The following SLIT2 variants were observed in gnomAD, a reference collection of about 807,000 sequenced individuals.
SLIT2 encodes slit guidance ligand 2.
SLIT2 carries 41 observed loss-of-function variants against 185.7 expected under a neutral mutation model. The ratio of observed to expected loss-of-function variants is 0.22; its 90% CI spans 0.17 to 0.29. The LOEUF is 0.29. Ranked by LOEUF, SLIT2 falls within the 10% of genes least tolerant of loss-of-function variation. The pLI, the probability that SLIT2 is intolerant of heterozygous loss-of-function variation, is 1.00. For synonymous variants in SLIT2, 693 were observed against 680.2 expected, an observed-to-expected ratio of 1.02 and a Z score of -0.29; for missense variants, 1,571 against 1,909.0, an observed-to-expected ratio of 0.82 and a Z score of 3.30.
chr4:20,286,534 A>C (rs377065549), intron 4 of SLIT2, among the ~76,000 whole-genome samples: 49 of 152,000 alleles, frequency 3.2e-4, no homozygotes, highest in African/African-American at 1.0e-3. Context: ...AGGTGCAGTG[A>C]CTCATGCCCG....
chr4:20,373,701 C>A (rs1290339986), intron 4 of SLIT2, among the ~76,000 whole-genome samples: 1 of 152,004 alleles, frequency 6.6e-6, no homozygotes, highest in Non-Finnish European at 1.5e-5. Context: ...CTAGGGACCA[C>A]AAATATATAA....
intron 9 of SLIT2, among the ~76,000 whole-genome samples, chr4:20,502,012 C>T (rs186131927): frequency 1.8e-4 from 27 of 152,118 alleles, no homozygotes; most frequent in Admixed American, 1.3e-3. Context: ...CCTAATTTCC[C>T]AAGAAGTTAT....
At chr4:20,330,754 A>G (rs1719995129) in intron 4 of SLIT2, among the ~76,000 whole-genome samples, 1 of 152,008 alleles carries the variant, frequency 6.6e-6, no homozygotes, top group Non-Finnish European at 1.5e-5. Flanking sequence ...GAACATGGAT[A>G]GTATTAATTC....
chr4:20,614,485 A>G (rs971852399), intron 34 of SLIT2, among the ~76,000 whole-genome samples: 1 of 152,112 alleles, frequency 6.6e-6, no homozygotes, highest in African/African-American at 2.4e-5. Flanking sequence ...CTTAAAAAAA[A>G]TCATGGATCT....
intron 6 of SLIT2, among the ~76,000 whole-genome samples, chr4:20,485,975 G>T (rs1717197658): frequency 6.6e-6 from 1 of 152,096 alleles, no homozygotes; most frequent in African/African-American, 2.4e-5. Context: ...TATGAATGAA[G>T]CCATAAATTT....
At chr4:20,308,632 TG>T (rs1717795118) in intron 4 of SLIT2, among the ~76,000 whole-genome samples, 2 of 152,046 alleles carry the variant, frequency 1.3e-5, no homozygotes, top group Admixed American at 1.3e-4. Context: ...AGACTCTTGG[TG>T]GGATTAGAGA....
At chr4:20,317,514 C>G (rs370016155) in intron 4 of SLIT2, among the ~76,000 whole-genome samples, 2 of 152,154 alleles carry the variant, frequency 1.3e-5, no homozygotes, top group African/African-American at 2.4e-5. Context: ...CAGTTTCAGT[C>G]AGACCTGAGT....
At chr4:20,397,794 C>A (rs1207662662) in intron 4 of SLIT2, among the ~76,000 whole-genome samples, 1 of 151,758 alleles carries the variant, frequency 6.6e-6, no homozygotes, top group Non-Finnish European at 1.5e-5. Flanking sequence ...CACTGTCCTC[C>A]CACACACGGC....
Position 20,605,708 on chromosome 4 carries a change from T to A in SLIT2, c.3693-4305T>A, listed in dbSNP as rs535819817. Among the ~76,000 whole-genome samples, 969 of 124,318 alleles carry A rather than the reference T, an allele frequency of 7.8e-3. 11 individuals are homozygous for A. The highest frequency in any genetic ancestry group is 0.021 in the Middle Eastern group (5 of 236). 81.6% of individuals were successfully genotyped at this position (124,318 alleles called of 152,430 possible). A position where few individuals can be genotyped will look rare whatever the true frequency, so the allele number is the denominator to read the frequency against. On this transcript the variant is annotated intron_variant, in intron 33 of 36. Coordinates refer to ENST00000504154, the MANE Select transcript of SLIT2 (RefSeq NM_004787.4). ...GTGTCGATCACTGCTTTTATTTTAT[T>A]TTATATTTTATTTTATTTTATTTTA...
intron 16 of SLIT2, among the ~76,000 whole-genome samples, 184 bp from the exon 17 acceptor site, chr4:20,531,800 T>C (rs1439344487): frequency 6.6e-6 from 1 of 151,834 alleles, no homozygotes; most frequent in Non-Finnish European, 1.5e-5. Context: ...TTTATTTTGA[T>C]GATTAAAATT....
intron 9 of SLIT2, among the ~76,000 whole-genome samples, chr4:20,495,651 G>A (rs1477230796): frequency 6.6e-6 from 1 of 151,998 alleles, no homozygotes; most frequent in Non-Finnish European, 1.5e-5. Flanking sequence ...TTGAGAAGGT[G>A]GTGTATCAGG....
At chr4:20,618,119 C>A (rs1298678934) in intron 36 of SLIT2, among the ~76,000 whole-genome samples, 1 of 152,182 alleles carries the variant, frequency 6.6e-6, no homozygotes, top group Non-Finnish European at 1.5e-5. Context: ...TGATTTATCA[C>A]AGCAAATCAT....
intron 26 of SLIT2, among the ~76,000 whole-genome samples, chr4:20,566,445 T>G (rs1460977496): frequency 6.6e-6 from 1 of 152,080 alleles, no homozygotes; most frequent in African/African-American, 2.4e-5. Context: ...ATTTCCACAT[T>G]GTTAGTCATT....
rs1483452256 is a variant in SLIT2 at position 20,254,894 on chromosome 4, C to T, written c.179+900C>T. 5 of 456,072 alleles carry T rather than the reference C, an allele frequency of 1.1e-5. No homozygotes were observed. The highest frequency in any genetic ancestry group is 7.0e-5 in the Admixed American group (3 of 42,562). The allele number at this position is 456,072 out of a possible 1,614,324, so 28.3% of individuals were successfully genotyped here. A position where few individuals can be genotyped will look rare whatever the true frequency, so the allele number is the denominator to read the frequency against. Reference sequence around the variant, plus strand: ...GCCTTCCCCTCTTCGCGCTCCGTTGCTCGCAGACGTCCCCGCCTCCCTGTC... The same window carrying T: ...GCCTTCCCCTCTTCGCGCTCCGTTGTTCGCAGACGTCCCCGCCTCCCTGTC... On this transcript the variant is annotated intron_variant, in intron 1 of 36. Transcript: ENST00000504154. This position sits in a 1 kb window ranked among gnomAD's most constrained non-coding sequence, Gnocchi z 5.1.
chr4:20,430,424 CT>C (rs1728884696), intron 4 of SLIT2, among the ~76,000 whole-genome samples: 1 of 152,150 alleles, frequency 6.6e-6, no homozygotes, highest in African/African-American at 2.4e-5. Context: ...CATGTGGCCT[CT>C]CAGGCAGATG....
At chr4:20,344,517 T>C (rs1383873061) in intron 4 of SLIT2, among the ~76,000 whole-genome samples, 1 of 152,206 alleles carries the variant, frequency 6.6e-6, no homozygotes. Flanking sequence ...CATATAAGGC[T>C]TTAAATGAAA....
At chr4:20,482,887 ATAACT>A (rs1429882940) in intron 6 of SLIT2, among the ~76,000 whole-genome samples, 3 of 151,938 alleles carry the variant, frequency 2.0e-5, no homozygotes, top group Non-Finnish European at 4.4e-5. Context: ...CAGTTGATAA[ATAACT>A]TAAGGCAAAA....
intron 4 of SLIT2, among the ~76,000 whole-genome samples, chr4:20,337,428 G>A (rs1720598619): frequency 6.6e-6 from 1 of 151,606 alleles, no homozygotes; most frequent in Non-Finnish European, 1.5e-5. Context: ...GCCTCCCAGT[G>A]GGATACCCAG....
chr4:20,316,025 C>A (rs1278984201), intron 4 of SLIT2, among the ~76,000 whole-genome samples: 1 of 151,942 alleles, frequency 6.6e-6, no homozygotes, highest in African/African-American at 2.4e-5. Context: ...TAGTAATACT[C>A]CACAATAAAG....
Sources: allele counts gnomAD v4.1 joint callset (sites outside exome capture counted in the v4.1 genomes callset), GRCh38; gene constraint gnomAD v4.1.1; non-coding constraint Gnocchi (gnomAD v3.1); transcripts MANE v1.5; gene names NCBI Gene and HGNC (gene_info 2026-07-23, HGNC 2026-07-21).